The following CHD2 variants were observed in gnomAD, a reference collection of about 807,000 sequenced individuals.
CHD2 encodes the protein ATP-dependent chromatin remodeler CHD2.
Under a neutral mutation model 243.9 loss-of-function variants are expected in CHD2, and 28 were observed. That is an observed-to-expected ratio of 0.11 (90% CI 0.09 to 0.16). CHD2 has a LOEUF of 0.16. CHD2 is among the 10% of genes least tolerant of loss of function. CHD2 has a pLI of 1.00. For missense variants in CHD2, 1,386 were observed against 2,209.8 expected (o/e 0.63, Z 7.47); for synonymous variants, 775 against 779.0 (o/e 0.99, Z 0.09).
At chr15:92,937,022 A>T (rs921248801) in intron 5 of CHD2, among the ~76,000 whole-genome samples, 1 of 152,096 alleles carries the variant, frequency 6.6e-6, no homozygotes. Context: ...GCCTGGCTCA[A>T]TTTTAAAATT....
chr15:92,981,516 T>TTTG, intron 24 of CHD2, 59 bp downstream of exon 24: 1 of 1,330,770 alleles, frequency 7.5e-7, no homozygotes, highest in Non-Finnish European at 1.1e-6. Flanking sequence ...ATGACTAATG[T>TTTG]TTATGAACGC....
chr15:92,901,056 C>T (rs1247402256), intron 1 of CHD2, 111 bp from the exon 2 acceptor site: 1 of 604,724 alleles, frequency 1.7e-6, no homozygotes, highest in African/African-American at 1.9e-5. Context: ...TTTTTTGGTG[C>T]TTACCGTTGT....
intron 5 of CHD2, among the ~76,000 whole-genome samples, chr15:92,935,869 T>A (rs978646335): frequency 3.9e-5 from 6 of 152,194 alleles, no homozygotes; most frequent in African/African-American, 1.4e-4. Flanking sequence ...AACAGGCCTT[T>A]CTGTCTTACC....
chr15:93,007,270 C>T (rs1419365289), intron 34 of CHD2, among the ~76,000 whole-genome samples: 3 of 152,238 alleles, frequency 2.0e-5, no homozygotes, highest in Non-Finnish European at 4.4e-5. Flanking sequence ...GAAATACTGA[C>T]TGAAGGTCGT....
intron 23 of CHD2, 63 bp downstream of exon 23, chr15:92,980,974 T>C (rs963933757): frequency 1.8e-5 from 20 of 1,088,628 alleles, no homozygotes; most frequent in Non-Finnish European, 2.4e-5. Context: ...GTCTAACTTT[T>C]CTGTAAGAAG....
At chr15:93,001,498 A>G (rs1321940822) in intron 32 of CHD2, among the ~76,000 whole-genome samples, 2 of 152,198 alleles carry the variant, frequency 1.3e-5, no homozygotes, top group South Asian at 4.1e-4. Context: ...TGAGTCATAC[A>G]TACAGATATT....
At position 92,901,253 on chromosome 15, in the gene CHD2, G is replaced by A; in HGVS notation, c.16G>A (p.Asp6Asn). 1 of 1,601,824 alleles carries A rather than the reference G, an allele frequency of 6.2e-7. No individual in the cohort carries two copies. The highest frequency in any genetic ancestry group is 1.7e-5 in the Admixed American group (1 of 59,876). The change falls in exon 2 of 39, where the codon GAC (aspartate) becomes AAC (asparagine). Residue 6 changes from aspartate to asparagine, a missense_variant. By Grantham distance (23) the Asp-to-Asn change is conservative. Around this residue, in one of 19 missense-constraint regions of CHD2, gnomAD observed 89 missense variants for 102.4 expected, o/e 0.87. Coordinates refer to ENST00000394196, the MANE Select transcript of CHD2 (RefSeq NM_001271.4). MMRNK[D>N]KSQEEDSSLH... ...GAATTAAAAGATGATGAGAAATAAG[G>A]ACAAAAGCCAAGAGGAGGACAGTTC...
In CHD2 at chr15:92,937,587, A is replaced by G. The variant is rs1319522422; in HGVS notation, c.513A>G (p.Glu171=). The stretch of plus-strand genomic sequence containing the variant: ...GCACCAGTGCAGAGAGTGAGCCAGA[A>G]CAAAAAAAAGTAAAAGCCAGAAGAC... ...EQGTSAESEP[E]QKKVKARRPV... The change falls in exon 6 of 39, where the codon GAA becomes GAG. Residue 171 remains glutamate, a synonymous_variant. Transcript: ENST00000394196. The G allele has an allele frequency of 1.9e-6, 3 of 1,613,708 alleles. No homozygotes were observed. The African/African-American group carries it at 4.0e-5, about 22-fold the overall frequency.
intron 10 of CHD2, chr15:92,945,315 C>G (rs1029583756): frequency 6.6e-6 from 1 of 151,608 alleles, no homozygotes; most frequent in South Asian, 2.1e-4. Context: ...GGGGAGTTTT[C>G]TTACAAAGGG....
chr15:92,959,750 C>T (rs2053661357), intron 16 of CHD2, among the ~76,000 whole-genome samples: 1 of 152,210 alleles, frequency 6.6e-6, no homozygotes, highest in Admixed American at 6.5e-5. Flanking sequence ...CCTTGGCCTC[C>T]CAAAGTACTG....
chr15:92,977,154 C>G (rs978387829), intron 20 of CHD2, among the ~76,000 whole-genome samples: 7 of 152,242 alleles, frequency 4.6e-5, no homozygotes, highest in African/African-American at 1.7e-4. Flanking sequence ...AAATTGTCCA[C>G]TGTTTATCTT....
intron 7 of CHD2, among the ~76,000 whole-genome samples, chr15:92,941,266 A>G (rs2053378595): frequency 6.6e-6 from 1 of 152,032 alleles, no homozygotes; most frequent in East Asian, 1.9e-4. Flanking sequence ...TGCTGGGATT[A>G]CAGGTGTGAG....
Position 92,997,148 on chromosome 15 carries a change from T to A in CHD2, c.3734+53T>A. 6.2e-7 allele frequency: 1 copy of A among 1,603,700 alleles called. No individual in the cohort carries two copies. Among genetic ancestry groups the A allele is most frequent in the Non-Finnish European group, 8.5e-7 (1 of 1,176,300 alleles). On this transcript the variant is annotated intron_variant, in intron 29 of 38. Coordinates refer to ENST00000394196, the MANE Select transcript of CHD2 (RefSeq NM_001271.4). The surrounding 1 kb of genome is among the most constrained non-coding windows in gnomAD (Gnocchi z 4.1). Reference sequence around the variant, plus strand: ...ATGGTCGTACCGTAAGAAAATAGATTTGAAGTTAGACTTTGTGTAGTTCCA... The same window carrying A: ...ATGGTCGTACCGTAAGAAAATAGATATGAAGTTAGACTTTGTGTAGTTCCA...
intron 38 of CHD2, chr15:93,020,522 T>C (rs1292596692): frequency 3.4e-6 from 2 of 596,404 alleles, no homozygotes; most frequent in Non-Finnish European, 5.9e-6. Flanking sequence ...CATAAAATAT[T>C]AGAGTCAACA....
At chr15:92,906,898 G>C (rs1157054198) in intron 2 of CHD2, among the ~76,000 whole-genome samples, 1 of 152,108 alleles carries the variant, frequency 6.6e-6, no homozygotes, top group Non-Finnish European at 1.5e-5. Flanking sequence ...GCTTGACTAA[G>C]CGTTGAGTTC....
chr15:92,999,535 A>G (rs1387527746), intron 31 of CHD2, among the ~76,000 whole-genome samples: 1 of 152,250 alleles, frequency 6.6e-6, no homozygotes, highest in East Asian at 1.9e-4. Flanking sequence ...ACCCTGTACT[A>G]GCAGCCCATG....
At chr15:92,916,091 T>C (rs1191622993) in intron 2 of CHD2, among the ~76,000 whole-genome samples, 1 of 152,244 alleles carries the variant, frequency 6.6e-6, no homozygotes, top group Non-Finnish European at 1.5e-5. Context: ...TTGTCTATTA[T>C]CTACCTATGA....
intron 21 of CHD2, among the ~76,000 whole-genome samples, chr15:92,978,630 G>C (rs1007226478): frequency 6.6e-6 from 1 of 152,198 alleles, no homozygotes; most frequent in Non-Finnish European, 1.5e-5. Context: ...TTTATCTTGA[G>C]AGAGATATAT....
chr15:93,015,143 A>G (rs2054442495), intron 37 of CHD2, among the ~76,000 whole-genome samples: 1 of 152,088 alleles, frequency 6.6e-6, no homozygotes, highest in Non-Finnish European at 1.5e-5. Flanking sequence ...CAGTGGCACA[A>G]TCTCGGCTCA....
Sources: gnomAD v4.1 joint callset for allele counts (sites outside exome capture counted in the v4.1 genomes callset) on GRCh38, gnomAD v4.1.1 for gene constraint, gnomAD v4.1.1 regional missense constraint, Gnocchi (gnomAD v3.1) non-coding constraint, MANE v1.5 for transcripts, NCBI Gene and HGNC (gene_info 2026-07-23, HGNC 2026-07-21) for gene names.